The following RNF145 variants were observed in gnomAD, a reference collection of about 807,000 sequenced individuals.
The protein encoded by RNF145 is ring finger protein 145.
Under a neutral mutation model 57.3 loss-of-function variants are expected in RNF145, and 12 were observed. The observed-to-expected ratio is 0.21, with a 90% CI of 0.13 to 0.34. The LOEUF is 0.34. RNF145 is among the 10% of genes least tolerant of loss of function. The pLI is 1.00. For missense variants in RNF145, 429 were observed against 799.0 expected (o/e 0.54, Z 5.58); for synonymous variants, 262 against 288.3 (o/e 0.91, Z 0.92).
At chr5:159,198,445 G>A (rs1378763554) in intron 2 of RNF145, among the ~76,000 whole-genome samples, 3 of 152,160 alleles carry the variant, frequency 2.0e-5, no homozygotes, top group African/African-American at 4.8e-5. Context: ...ATGAGAGCCT[G>A]GATTGTAACA....
At chr5:159,204,221 A>T (rs986417762) in intron 1 of RNF145, among the ~76,000 whole-genome samples, 1 of 152,220 alleles carries the variant, frequency 6.6e-6, no homozygotes, top group East Asian at 1.9e-4. Context: ...ATTATTTACA[A>T]TATCATTTCC....
In RNF145 at chr5:159,195,949, G is replaced by A. The variant is rs1044700141; in HGVS notation, c.185-1125C>T. On this transcript the variant is annotated intron_variant, in intron 2 of 10. Coordinates refer to ENST00000424310, the MANE Select transcript of RNF145 (RefSeq NM_001199383.2). ...CCTCCTCCCTCAACAAAGTAACTCA[G>A]TGACTCAAAACCTGTCATCTTTTCT... 4.6e-5 allele frequency among the ~76,000 whole-genome samples: 7 copies of A among 152,120 alleles called. No homozygotes were observed. In the East Asian group the frequency reaches 7.7e-4, roughly 17 times the overall value.
At chr5:159,209,617 C>A, upstream of RNF145, 1 of 1,073,218 alleles carries the variant, frequency 9.3e-7, no homozygotes, top group Non-Finnish European at 1.2e-6. Context: ...CGGCGCGCCC[C>A]TCCCGCGCGC....
chr5:159,199,058 C>T (rs922737840), intron 2 of RNF145, among the ~76,000 whole-genome samples: 1 of 152,148 alleles, frequency 6.6e-6, no homozygotes, highest in Non-Finnish European at 1.5e-5. Flanking sequence ...AAACAACCCC[C>T]TTCTTACCTT....
intron 9 of RNF145, among the ~76,000 whole-genome samples, chr5:159,162,425 C>CT (rs201178143): frequency 0.067 from 8,918 of 133,954 alleles, 884 homozygotes; most frequent in African/African-American, 0.19. Context: ...GTAATATTTT[C>CT]TTTTTTTTTT....
At position 159,169,667 on chromosome 5, in the gene RNF145, G is replaced by A; in HGVS notation, c.938+12C>T. The stretch of plus-strand genomic sequence containing the variant: ...ATTTACATTTCTAGATATAATCAAG[G>A]AAAGAACTTACCGATTCATGGCAGG... On this transcript the variant is annotated intron_variant, in intron 7 of 10. Coordinates refer to ENST00000424310, the MANE Select transcript of RNF145 (RefSeq NM_001199383.2). 6.3e-7 allele frequency: 1 copy of A among 1,577,614 alleles called. No homozygotes were observed. The highest frequency in any genetic ancestry group is 8.6e-7 in the Non-Finnish European group (1 of 1,166,876).
intron 3 of RNF145, among the ~76,000 whole-genome samples, chr5:159,186,381 A>C (rs531836798): frequency 6.6e-6 from 1 of 152,266 alleles, no homozygotes; most frequent in African/African-American, 2.4e-5. Flanking sequence ...GACCTTTATT[A>C]TAACAGTCTC....
chr5:159,178,872 CACTT>C (rs937655936), intron 4 of RNF145, among the ~76,000 whole-genome samples: 8 of 152,098 alleles, frequency 5.3e-5, no homozygotes, highest in South Asian at 2.1e-4. Flanking sequence ...TAAGACCAAA[CACTT>C]ACAACAATCT....
At chr5:159,181,128 C>CAA (rs76460086) in intron 4 of RNF145, among the ~76,000 whole-genome samples, 39 of 89,554 alleles carry the variant, frequency 4.4e-4, no homozygotes, top group East Asian at 7.8e-4. Context: ...GACTCTGTCT[C>CAA]AAAAAAAAAA....
intron 4 of RNF145, among the ~76,000 whole-genome samples, chr5:159,180,418 TAC>T (rs1427892789): frequency 6.6e-6 from 1 of 152,046 alleles, no homozygotes; most frequent in Non-Finnish European, 1.5e-5. Flanking sequence ...AAGAAAATCC[TAC>T]ACAGACTTTC....
rs879885941 is a variant in RNF145, at chr5:159,187,330, GA to G, written c.294-5280del. The stretch of plus-strand genomic sequence containing the variant: ...AATTTATCTAGTTTTTTTTTTTAAA[GA>G]AAAAAAATTTTTTTTTGAGATAGTC... On this transcript the variant is annotated intron_variant, in intron 3 of 10. Transcript: ENST00000424310. Among the ~76,000 whole-genome samples the G allele has an allele frequency of 4.2e-3, 631 of 150,456 alleles. 1 individual carries two copies. Among genetic ancestry groups the G allele is most frequent in the Middle Eastern group, 0.01 (3 of 294 alleles).
At chr5:159,162,257 C>A (rs899659265) in intron 9 of RNF145, among the ~76,000 whole-genome samples, 3 of 152,022 alleles carry the variant, frequency 2.0e-5, no homozygotes, top group Admixed American at 1.3e-4. Flanking sequence ...AAAACACACT[C>A]CAAATAAGCT....
intron 10 of RNF145, 199 bp downstream of exon 10, chr5:159,161,067 A>C (rs947050448): frequency 1.9e-6 from 1 of 524,378 alleles, no homozygotes; most frequent in Non-Finnish European, 3.4e-6. Context: ...TTAGAACCCA[A>C]GGGACTAAAT....
At chr5:159,206,765 C>A (rs567753911) in intron 1 of RNF145, among the ~76,000 whole-genome samples, 3 of 152,202 alleles carry the variant, frequency 2.0e-5, no homozygotes, top group African/African-American at 7.2e-5. Flanking sequence ...GCAGAAAAAA[C>A]CGAAAGGTTT....
At chr5:159,209,149 GC>G in intron 1 of RNF145, 81 bp downstream of exon 1, 1 of 448,574 alleles carries the variant, frequency 2.2e-6, no homozygotes, top group Non-Finnish European at 2.9e-6. Flanking sequence ...AGCCTGCGAC[GC>G]GATGGGGGAG....
At chr5:159,162,681 G>A (rs1296010928) in intron 9 of RNF145, among the ~76,000 whole-genome samples, 1 of 151,778 alleles carries the variant, frequency 6.6e-6, no homozygotes, top group Non-Finnish European at 1.5e-5. Flanking sequence ...TGATCCACCC[G>A]CCTCGGCCTC....
At chr5:159,169,138 G>A in intron 7 of RNF145, 83 bp from the exon 8 acceptor site, 5 of 1,097,436 alleles carry the variant, frequency 4.6e-6, no homozygotes, top group Non-Finnish European at 6.4e-6. Flanking sequence ...CAAAGGCTTA[G>A]ACTCTTGTTA....
chr5:159,172,605 T>C (rs1034079888), intron 6 of RNF145, among the ~76,000 whole-genome samples: 1 of 152,228 alleles, frequency 6.6e-6, no homozygotes, highest in Non-Finnish European at 1.5e-5. Context: ...TACTGCATGT[T>C]TATAGAAGCT....
At chr5:159,186,055 C>T (rs1266817551) in intron 3 of RNF145, among the ~76,000 whole-genome samples, 1 of 152,146 alleles carries the variant, frequency 6.6e-6, no homozygotes, top group East Asian at 1.9e-4. Context: ...GAAACTCCGA[C>T]TCTACAAAAC....
Sources: allele counts gnomAD v4.1 joint callset (sites outside exome capture counted in the v4.1 genomes callset), GRCh38; gene constraint gnomAD v4.1.1; transcripts MANE v1.5; gene names NCBI Gene and HGNC (gene_info 2026-07-23, HGNC 2026-07-21).